The following STPG1 variants were observed in gnomAD, a reference collection of about 807,000 sequenced individuals.
STPG1 encodes the protein O(6)-methylguanine-induced apoptosis 2.
Under a neutral mutation model 40.1 loss-of-function variants are expected in STPG1, and 33 were observed. The observed-to-expected ratio is 0.82, with a 90% CI of 0.62 to 1.10. STPG1 has a LOEUF of 1.10. STPG1 is among the 50% of genes least tolerant of loss of function. The pLI is 0.00. For synonymous variants in STPG1, 150 were observed against 155.0 expected (o/e 0.97, Z 0.24); for missense variants, 396 against 415.1 (o/e 0.95, Z 0.40).
chr1:24,410,827 A>G (rs1643590424), intron 1 of STPG1: 1 of 152,246 alleles, frequency 6.6e-6, no homozygotes, highest in South Asian at 2.1e-4. Context: ...TCTAAGAAAG[A>G]GCAGTGAAGA....
At chr1:24,391,775 A>G in intron 2 of STPG1, 96 bp from the exon 3 acceptor site, 1 of 1,191,746 alleles carries the variant, frequency 8.4e-7, no homozygotes, top group Non-Finnish European at 1.1e-6. Flanking sequence ...TTTATTTTAA[A>G]TGGTAGAGAA....
rs1299857323 is a variant in STPG1 at position 24,359,393 on chromosome 1, T to C, written c.929-774A>G. The stretch of plus-strand genomic sequence containing the variant: ...ATCCCTGCCTATGCCCTACCCTCTC[T>C]GGAGCTCACCCCTTGTATGGAGCAT... On this transcript the variant is annotated intron_variant, in intron 8 of 8. Transcript: ENST00000337248. The surrounding 1 kb of genome is among the most constrained non-coding windows in gnomAD (Gnocchi z 5.3). Among the ~76,000 whole-genome samples the C allele has an allele frequency of 2.6e-5, 4 of 152,254 alleles. No homozygotes were observed. Among genetic ancestry groups the C allele is most frequent in the African/African-American group, 9.6e-5 (4 of 41,466 alleles).
intron 2 of STPG1, among the ~76,000 whole-genome samples, chr1:24,392,767 C>G (rs1318080873): frequency 6.6e-6 from 1 of 152,002 alleles, no homozygotes; most frequent in Non-Finnish European, 1.5e-5. Context: ...GGGGGTGCAT[C>G]CTGACTCTGT....
chr1:24,373,231 C>T (rs1180687613), intron 6 of STPG1, among the ~76,000 whole-genome samples: 1 of 152,178 alleles, frequency 6.6e-6, no homozygotes, highest in Non-Finnish European at 1.5e-5. Flanking sequence ...GTGGGTGCTC[C>T]GGAAACAGAG....
Position 24,379,752 on chromosome 1 carries a change from A to G in STPG1, c.363T>C (p.Ile121=). 1.9e-6 allele frequency: 3 copies of G among 1,614,204 alleles called. No homozygotes were observed. The highest frequency in any genetic ancestry group is 2.5e-6 in the Non-Finnish European group (3 of 1,180,032). Residue 121 remains isoleucine (I), a synonymous_variant, in exon 5 of 9, where the codon ATT becomes ATC. Coordinates refer to ENST00000337248, the MANE Select transcript of STPG1 (RefSeq NM_001199013.2). The part of the protein sequence containing the change: ...ANAYTIPSDF[I]SKRDFSNSCS... ...ACGAATTACTAAAGTCTCTCTTGGA[A>G]ATAAAATCCGATGGGATAGTGTATG...
intron 1 of STPG1, among the ~76,000 whole-genome samples, chr1:24,407,834 G>A (rs1359743752): frequency 6.6e-6 from 1 of 152,084 alleles, no homozygotes; most frequent in Non-Finnish European, 1.5e-5. Flanking sequence ...TTACATTTGG[G>A]CTCTTTTTCT....
chr1:24,403,742 T>C (rs3951726), intron 1 of STPG1, among the ~76,000 whole-genome samples: 52,799 of 151,966 alleles, frequency 0.35, 9,442 homozygotes, highest in East Asian at 0.46. Flanking sequence ...ATTTTTTAAA[T>C]TTCTCATTGT....
intron 7 of STPG1, 118 bp from the exon 8 acceptor site, chr1:24,361,159 G>T: frequency 2.1e-6 from 2 of 961,828 alleles, no homozygotes; most frequent in Non-Finnish European, 3.0e-6. Flanking sequence ...ACTGGTCACG[G>T]CACTGGGGCA....
At chr1:24,414,352 C>G (rs1643912780), upstream of STPG1, 1 of 147,818 alleles carries the variant, frequency 6.8e-6, no homozygotes, top group Non-Finnish European at 1.5e-5. Context: ...GGCCCCAAGC[C>G]CTGTTTCTAA....
intron 7 of STPG1, 49 bp from the exon 8 acceptor site, chr1:24,361,090 G>T: frequency 6.6e-7 from 1 of 1,507,476 alleles, no homozygotes; most frequent in Non-Finnish European, 9.0e-7. Context: ...GTCTAGTGGG[G>T]AAGGCACAGT....
intron 2 of STPG1, 50 bp from the exon 3 acceptor site, chr1:24,391,729 G>A: frequency 7.3e-7 from 1 of 1,375,390 alleles, no homozygotes; most frequent in Non-Finnish European, 1.0e-6. Flanking sequence ...AACAATGATT[G>A]ACAAATGTGG....
chr1:24,385,543 T>TTTCA (rs1294388507), intron 3 of STPG1, among the ~76,000 whole-genome samples: 8 of 152,342 alleles, frequency 5.3e-5, no homozygotes, highest in African/African-American at 1.4e-4. Context: ...ATTTCTCGAG[T>TTTCA]GCTCATTTTG....
chr1:24,357,797 A>G lies in STPG1; in HGVS notation c.*746T>C. 3.9e-6 allele frequency: 1 copy of G among 253,986 alleles called. No individual in the cohort carries two copies. Among genetic ancestry groups the G allele is most frequent in the Non-Finnish European group, 7.8e-6 (1 of 127,890 alleles). The allele number at this position is 253,986 out of a possible 1,614,324, so 15.7% of individuals were successfully genotyped here. ...GAGACGAAAGCTATCAGGCCTAGAC[A>G]GGCCATGTGGACTCCATGGAAGGGC... On this transcript the variant is annotated 3_prime_UTR_variant, in exon 9 of 9. Transcript: ENST00000337248.
intron 7 of STPG1, among the ~76,000 whole-genome samples, chr1:24,366,072 T>C (rs1372573771): frequency 6.6e-6 from 1 of 152,234 alleles, no homozygotes; most frequent in Non-Finnish European, 1.5e-5. Context: ...TCTGCACTGA[T>C]GCTTCCTGCA....
chr1:24,393,608 A>G (rs1203112367), intron 2 of STPG1, among the ~76,000 whole-genome samples: 4 of 152,256 alleles, frequency 2.6e-5, no homozygotes, highest in Non-Finnish European at 4.4e-5. Flanking sequence ...GCTTCTGGCT[A>G]TAACAGAAAT....
Position 24,357,772 on chromosome 1 carries a change from G to A in STPG1, c.*771C>T, listed in dbSNP as rs1240633858. ...ACATTTCTTTTTCCCTCCACATAGA[G>A]AGACGAAAGCTATCAGGCCTAGACA... On this transcript the variant is annotated 3_prime_UTR_variant, in exon 9 of 9. Coordinates refer to ENST00000337248, the MANE Select transcript of STPG1 (RefSeq NM_001199013.2). 1 of 192,880 alleles carries A rather than the reference G, an allele frequency of 5.2e-6. No homozygotes were observed. Among genetic ancestry groups the A allele is most frequent in the African/African-American group, 2.3e-5 (1 of 42,982 alleles). 11.9% of individuals were successfully genotyped at this position (192,880 alleles called of 1,614,324 possible).
chr1:24,394,914 A>G (rs1642930642), intron 2 of STPG1, among the ~76,000 whole-genome samples: 1 of 152,082 alleles, frequency 6.6e-6, no homozygotes, highest in Admixed American at 6.5e-5. Context: ...GTTCAAGAAA[A>G]AATGGTTGAA....
In STPG1 at chr1:24,358,246, AGGCAGCCTGGAT is replaced by A. The variant is rs1310618320; in HGVS notation, c.*285_*296del. On this transcript the variant is annotated 3_prime_UTR_variant, in exon 9 of 9. Coordinates refer to ENST00000337248, the MANE Select transcript of STPG1 (RefSeq NM_001199013.2). Reference sequence around the variant, plus strand: ...GTCTGCGGCAGGGAGTCGTGCCGGAAGGCAGCCTGGATGGGTGCGTGGGGAAGCAGCCAGGGG... The same window carrying A: ...GTCTGCGGCAGGGAGTCGTGCCGGAAGGGTGCGTGGGGAAGCAGCCAGGGG... The A allele has an allele frequency of 1.6e-6, 1 of 614,472 alleles. No individual in the cohort carries two copies. Among genetic ancestry groups the A allele is most frequent in the South Asian group, 1.5e-5 (1 of 65,974 alleles). The allele number at this position is 614,472 out of a possible 1,614,324, so 38.1% of individuals were successfully genotyped here. A position where few individuals can be genotyped will look rare whatever the true frequency, so the allele number is the denominator to read the frequency against.
intron 7 of STPG1, among the ~76,000 whole-genome samples, chr1:24,368,471 G>C (rs902257312): frequency 2.0e-5 from 3 of 152,180 alleles, no homozygotes; most frequent in African/African-American, 2.4e-5. Context: ...GCTACGCATG[G>C]GTGAGAGCTG....
Sources: allele counts gnomAD v4.1 joint callset (sites outside exome capture counted in the v4.1 genomes callset), GRCh38; gene constraint gnomAD v4.1.1; non-coding constraint Gnocchi (gnomAD v3.1); transcripts MANE v1.5; gene names NCBI Gene and HGNC (gene_info 2026-07-23, HGNC 2026-07-21).